Variants in NDUFS6 observed in about 807,000 individuals in gnomAD.
NDUFS6 encodes NADH dehydrogenase [ubiquinone] iron-sulfur protein 6, mitochondrial.
NDUFS6 carries 14 observed loss-of-function variants against 13.2 expected under a neutral mutation model. The observed-to-expected ratio is 1.06, with a 90% CI of 0.70 to 1.66. The LOEUF (loss-of-function observed/expected upper bound fraction) is 1.66, where lower values mean the gene tolerates loss of function less well. NDUFS6 is among the 40% of genes most tolerant of loss of function. The probability of loss-of-function intolerance (pLI) is 0.00; values close to 1 mark genes in which losing one functional copy is unlikely to be tolerated. For synonymous variants in NDUFS6, 95 were observed against 72.3 expected (o/e 1.31, Z -1.60); for missense variants, 206 against 170.8 (o/e 1.21, Z -1.15).
In NDUFS6 at chr5:1,814,258, G is replaced by T. The variant is rs939131008; in HGVS notation, c.187-81G>T. On this transcript the variant is annotated intron_variant, in intron 2 of 3. Transcript: ENST00000274137. This position sits in a 1 kb window ranked among gnomAD's most constrained non-coding sequence, Gnocchi z 4.9. ...CCATAGATTCGTGCTGATGGTACAT[G>T]AATTTGTGTGTGGTGGGTTAAATTG... 1.5e-4 allele frequency: 243 copies of T among 1,581,762 alleles called. No homozygotes were observed. Among genetic ancestry groups the T allele is most frequent in the Admixed American group, 3.4e-4 (20 of 58,730 alleles).
intron 2 of NDUFS6, among the ~76,000 whole-genome samples, chr5:1,804,269 G>T (rs1669324715): frequency 6.6e-6 from 1 of 152,240 alleles, no homozygotes; most frequent in African/African-American, 2.4e-5. Flanking sequence ...TAGTGACGAA[G>T]CAAGTATGTG....
At chr5:1,810,700 G>T (rs1228001664) in intron 2 of NDUFS6, among the ~76,000 whole-genome samples, 1 of 151,572 alleles carries the variant, frequency 6.6e-6, no homozygotes. Context: ...GTTGTCGGAG[G>T]GGCCAGTCTG....
chr5:1,810,739 G>A (rs1461757209), intron 2 of NDUFS6, among the ~76,000 whole-genome samples: 1 of 151,440 alleles, frequency 6.6e-6, no homozygotes, highest in Non-Finnish European at 1.5e-5. Flanking sequence ...TTGTCGGAGT[G>A]GCCAGTCCGG....
chr5:1,806,084 T>G (rs931737714), intron 2 of NDUFS6, among the ~76,000 whole-genome samples: 1 of 152,276 alleles, frequency 6.6e-6, no homozygotes, highest in African/African-American at 2.4e-5. Context: ...TAGATTTTTT[T>G]AAAATACTGA....
At chr5:1,812,914 G>C (rs555527980) in intron 2 of NDUFS6, among the ~76,000 whole-genome samples, 1 of 152,128 alleles carries the variant, frequency 6.6e-6, no homozygotes, top group Admixed American at 6.5e-5. Flanking sequence ...TTAGTCGGAC[G>C]TGGTGGCGGG....
chr5:1,813,451 T>G (rs1292754192), intron 2 of NDUFS6, among the ~76,000 whole-genome samples: 1 of 152,232 alleles, frequency 6.6e-6, no homozygotes, highest in Admixed American at 6.5e-5. Context: ...TTCAGTGCTT[T>G]CTCCTTTGGA....
chr5:1,808,064 A>T (rs1403240482), intron 2 of NDUFS6, among the ~76,000 whole-genome samples: 1 of 152,178 alleles, frequency 6.6e-6, no homozygotes, highest in Non-Finnish European at 1.5e-5. Context: ...TGAGAGGAAG[A>T]TTGAATTGAG....
chr5:1,815,207 C>A (rs1734289250), intron 3 of NDUFS6, among the ~76,000 whole-genome samples: 1 of 151,662 alleles, frequency 6.6e-6, no homozygotes, highest in South Asian at 2.1e-4. Flanking sequence ...GGATGTGGAA[C>A]TGGGGTGCAG....
intron 2 of NDUFS6, among the ~76,000 whole-genome samples, chr5:1,806,988 C>T (rs907915931): frequency 1.1e-4 from 16 of 152,216 alleles, no homozygotes; most frequent in African/African-American, 3.1e-4. Context: ...ACGCTTGACA[C>T]GCCCCACAAC....
At position 1,814,211 on chromosome 5, in the gene NDUFS6, T is replaced by G. The variant is rs1417143502; in HGVS notation, c.187-128T>G. 7.5e-7 allele frequency: 1 copy of G among 1,327,164 alleles called. No individual in the cohort carries two copies. The highest frequency in any genetic ancestry group is 1.1e-6 in the Non-Finnish European group (1 of 928,936). 82.2% of individuals were successfully genotyped at this position (1,327,164 alleles called of 1,614,324 possible). A position where few individuals can be genotyped will look rare whatever the true frequency, so the allele number is the denominator to read the frequency against. ...CTGAATTTAATAAGGTCTACAATGA[T>G]AATAGTTAAATGAAGCATGCACCAT... On this transcript the variant is annotated intron_variant, in intron 2 of 3. Coordinates refer to ENST00000274137, the MANE Select transcript of NDUFS6 (RefSeq NM_004553.6). The surrounding 1 kb of genome is among the most constrained non-coding windows in gnomAD (Gnocchi z 4.9).
intron 2 of NDUFS6, 47 bp downstream of exon 2, chr5:1,802,421 T>C (rs1734062323): frequency 1.4e-6 from 2 of 1,472,276 alleles, no homozygotes; most frequent in Admixed American, 3.4e-5. Flanking sequence ...CTAAAACTTT[T>C]ATGTAACCAA....
intron 2 of NDUFS6, among the ~76,000 whole-genome samples, chr5:1,807,488 G>A (rs971402033): frequency 2.0e-5 from 3 of 152,180 alleles, no homozygotes; most frequent in African/African-American, 4.8e-5. Context: ...TCAGGCCCAC[G>A]CAGGAATTGA....
rs779257328 is a variant in NDUFS6 at position 1,815,919 on chromosome 5, C to T, written c.*3C>T. On this transcript the variant is annotated 3_prime_UTR_variant, in exon 4 of 4. Transcript: ENST00000274137. ...AGTTCAGACAGCACCACCACTAGAG[C>T]GTGTGGCACGCCGGGGGTCCCGCAG... 47 of 1,614,214 alleles carry T rather than the reference C, an allele frequency of 2.9e-5. No homozygotes were observed. Among genetic ancestry groups the T allele is most frequent in the Non-Finnish European group, 3.6e-5 (42 of 1,180,028 alleles).
At chr5:1,802,191 A>G (rs945895555) in intron 1 of NDUFS6, 130 bp from the exon 2 acceptor site, 11 of 825,124 alleles carry the variant, frequency 1.3e-5, no homozygotes, top group Middle Eastern at 3.2e-4. Flanking sequence ...AGTACTGTGC[A>G]CTTGTTTGAC....
At position 1,802,355 on chromosome 5, in the gene NDUFS6, T is replaced by G. The variant is rs760742870; in HGVS notation, c.167T>G (p.Phe56Cys). 6.2e-7 allele frequency: 1 copy of G among 1,614,070 alleles called. No homozygotes were observed. The highest frequency in any genetic ancestry group is 1.1e-5 in the South Asian group (1 of 91,060). ...GATAAAGACTACAGGAGAATTCGGT[T>G]TGTAGGTCGTCAGAAAGAGGTGAGT... ...YDDKDYRRIR[F>C]VGRQKEVNEN... is the part of the protein sequence containing the mutation. The change falls in exon 2 of 4, where the codon TTT becomes TGT. Residue 56 changes from phenylalanine (F) to cysteine (C), a missense_variant. Transcript: ENST00000274137.
intron 2 of NDUFS6, among the ~76,000 whole-genome samples, chr5:1,806,268 C>G (rs374625168): frequency 6.6e-6 from 1 of 152,198 alleles, no homozygotes; most frequent in Non-Finnish European, 1.5e-5. Flanking sequence ...TCAGCTTGTG[C>G]CTTCATCTGC....
intron 2 of NDUFS6, among the ~76,000 whole-genome samples, chr5:1,802,819 A>G (rs71595074): frequency 5.5e-3 from 844 of 152,252 alleles, no homozygotes; most frequent in Non-Finnish European, 9.2e-3. Context: ...TGGGTCTGTT[A>G]GCTCTATGCA....
intron 2 of NDUFS6, among the ~76,000 whole-genome samples, chr5:1,804,075 C>T (rs184123639): frequency 2.0e-5 from 3 of 152,228 alleles, no homozygotes; most frequent in East Asian, 3.9e-4. Context: ...TCCTGGGCAT[C>T]GATGGGTGGT....
At chr5:1,811,793 G>A (rs1734223257) in intron 2 of NDUFS6, among the ~76,000 whole-genome samples, 1 of 152,226 alleles carries the variant, frequency 6.6e-6, no homozygotes, top group Admixed American at 6.5e-5. Context: ...CATAGGTGAT[G>A]TATCCGTCCA....
Sources: allele counts gnomAD v4.1 joint callset (sites outside exome capture counted in the v4.1 genomes callset), GRCh38; gene constraint gnomAD v4.1.1; non-coding constraint Gnocchi (gnomAD v3.1); transcripts MANE v1.5; gene names NCBI Gene and HGNC (gene_info 2026-07-23, HGNC 2026-07-21).